Variants in EFCAB7 observed in about 807,000 individuals in gnomAD.
The protein encoded by EFCAB7 is EF-hand calcium-binding domain-containing protein 7.
A neutral mutation model predicts 77.1 loss-of-function variants in EFCAB7; 66 were observed. The observed-to-expected ratio is 0.86, with a 90% CI of 0.70 to 1.05. EFCAB7 has a LOEUF of 1.05. Among genes scored for constraint, EFCAB7 ranks in the 50% least tolerant of loss-of-function variants. EFCAB7 has a pLI of 0.00. For synonymous variants in EFCAB7, 225 were observed against 243.3 expected, an observed-to-expected ratio of 0.92 and a Z score of 0.70; for missense variants, 638 against 730.5, an observed-to-expected ratio of 0.87 and a Z score of 1.46.
chr1:63,550,305 A>T (rs1208405724), intron 7 of EFCAB7: 3 of 152,160 alleles, frequency 2.0e-5, no homozygotes, highest in African/African-American at 7.2e-5. Flanking sequence ...GCTTACACTT[A>T]TGGAGCTAAC....
downstream of EFCAB7, among the ~76,000 whole-genome samples, chr1:63,574,807 G>A (rs1324135517): frequency 6.6e-6 from 1 of 152,196 alleles, no homozygotes; most frequent in Non-Finnish European, 1.5e-5. Flanking sequence ...CATATTTACA[G>A]TCAGTATAAA....
intron 7 of EFCAB7, chr1:63,550,293 G>T (rs969614826): frequency 1.3e-5 from 2 of 152,156 alleles, no homozygotes; most frequent in Admixed American, 1.3e-4. Context: ...ATCTTTGGGA[G>T]TGCTTACACT....
At chr1:63,555,016 C>T (rs940133789) in intron 8 of EFCAB7, 9 of 157,582 alleles carry the variant, frequency 5.7e-5, no homozygotes, top group East Asian at 1.8e-4. Context: ...AATTACCCTA[C>T]GATTTATCTT....
chr1:63,550,526 A>G (rs1646951999), intron 7 of EFCAB7: 1 of 152,118 alleles, frequency 6.6e-6, no homozygotes, highest in Non-Finnish European at 1.5e-5. Context: ...ATTCTAGCTT[A>G]GTCTACACAG....
Position 63,571,100 on chromosome 1 carries a change from CAGT to C in EFCAB7, c.1790_1792del (p.Val597del). The C allele has an allele frequency of 1.2e-6, 2 of 1,609,966 alleles. No homozygotes were observed. The highest frequency in any genetic ancestry group is 8.5e-7 in the Non-Finnish European group (1 of 1,177,970). Reference sequence around the variant, plus strand: ...AACAACAGAGGACTCAACATATTTGCAGTAGAAGTGGGACCCAAATCTACAATG... The same window carrying C: ...AACAACAGAGGACTCAACATATTTGCAGAAGTGGGACCCAAATCTACAATG... On this transcript the variant is annotated inframe_deletion, in exon 13 of 14. Coordinates refer to ENST00000371088, the MANE Select transcript of EFCAB7 (RefSeq NM_032437.4).
At chr1:63,529,476 G>A (rs1646655768) in intron 2 of EFCAB7, 1 of 152,104 alleles carries the variant, frequency 6.6e-6, no homozygotes, top group African/African-American at 2.4e-5. Flanking sequence ...CACTTTGGGA[G>A]GCCGAGACGT....
intron 6 of EFCAB7, among the ~76,000 whole-genome samples, chr1:63,539,086 A>G (rs1646798389): frequency 6.6e-6 from 1 of 152,176 alleles, no homozygotes; most frequent in Non-Finnish European, 1.5e-5. Flanking sequence ...GACTTATAAT[A>G]AAAATGTTTA....
At position 63,546,210 on chromosome 1, in the gene EFCAB7, A is replaced by G. The variant is rs1646896756; in HGVS notation, c.946+153A>G. Among the ~76,000 whole-genome samples the G allele has an allele frequency of 2.0e-5, 3 of 152,240 alleles. No individual in the cohort carries two copies. In the South Asian group the frequency reaches 6.2e-4, roughly 32 times the overall value. On this transcript the variant is annotated intron_variant, in intron 7 of 13. Transcript: ENST00000371088. ...ATTTCAAGAAAGTGTTGGCTTATAC[A>G]TGAACTGTGTTAATCATATGAAAAG...
intron 11 of EFCAB7, among the ~76,000 whole-genome samples, chr1:63,564,002 T>A (rs1384872803): frequency 2.0e-5 from 3 of 152,166 alleles, no homozygotes; most frequent in Non-Finnish European, 4.4e-5. Context: ...AATTTCATGA[T>A]ATTAATTTCT....
At chr1:63,523,956 C>T (rs75606498) in intron 1 of EFCAB7, among the ~76,000 whole-genome samples, 3,447 of 152,076 alleles carry the variant, frequency 0.023, 48 homozygotes, top group Non-Finnish European at 0.037. Flanking sequence ...TTTATGGAGC[C>T]GTTTGCTGCA....
chr1:63,525,470 G>A (rs1054969270), intron 1 of EFCAB7, 102 bp from the exon 2 acceptor site: 30 of 942,890 alleles, frequency 3.2e-5, no homozygotes, highest in South Asian at 2.0e-4. Flanking sequence ...TTTCTTCTAT[G>A]TATAAAATCT....
At chr1:63,524,625 C>T (rs1230318375) in intron 1 of EFCAB7, among the ~76,000 whole-genome samples, 1 of 152,140 alleles carries the variant, frequency 6.6e-6, no homozygotes, top group East Asian at 1.9e-4. Context: ...GAAGTCAAAG[C>T]TGGGTAGAGT....
At position 63,572,566 on chromosome 1, in the gene EFCAB7, T is replaced by C; in HGVS notation, c.*50T>C. The C allele has an allele frequency of 7.6e-7, 1 of 1,316,444 alleles. No homozygotes were observed. Among genetic ancestry groups the C allele is most frequent in the Non-Finnish European group, 1.0e-6 (1 of 983,938 alleles). 81.5% of individuals were successfully genotyped at this position (1,316,444 alleles called of 1,614,324 possible). A position where few individuals can be genotyped will look rare whatever the true frequency, so the allele number is the denominator to read the frequency against. On this transcript the variant is annotated 3_prime_UTR_variant, in exon 14 of 14. Transcript: ENST00000371088. ...ACTAAGAATTATTTCAGATTTAGTC[T>C]GTTATTTATTAAACAACTAAATGCT... is the stretch of plus-strand genomic sequence containing the variant.
chr1:63,563,907 A>G (rs1294846080), intron 11 of EFCAB7, among the ~76,000 whole-genome samples: 1 of 152,146 alleles, frequency 6.6e-6, no homozygotes, highest in African/African-American at 2.4e-5. Context: ...GTAATTGAAT[A>G]GTTGCTCTTT....
rs1557679098 is a variant in EFCAB7, at chr1:63,546,450, C to T, written c.946+393C>T. Among the ~76,000 whole-genome samples the T allele has an allele frequency of 3.9e-5, 6 of 152,018 alleles. No homozygotes were observed. The South Asian group carries it at 6.2e-4, about 16-fold the overall frequency. On this transcript the variant is annotated intron_variant, in intron 7 of 13. Coordinates refer to ENST00000371088, the MANE Select transcript of EFCAB7 (RefSeq NM_032437.4). ...CTCGATCTTGGCTCACTGCAACCTC[C>T]GCCTCCTGGATTCAAGTGATTCTCC...
intron 1 of EFCAB7, among the ~76,000 whole-genome samples, chr1:63,524,764 CT>C: frequency 1.3e-5 from 2 of 152,222 alleles, no homozygotes; most frequent in Non-Finnish European, 2.9e-5. Flanking sequence ...TTACTGCTAG[CT>C]GGGTGACATT....
intron 6 of EFCAB7, among the ~76,000 whole-genome samples, chr1:63,539,277 A>AT (rs1188123424): frequency 2.0e-5 from 3 of 152,096 alleles, no homozygotes; most frequent in Non-Finnish European, 4.4e-5. Context: ...TAATTTAACC[A>AT]TTTTTTTAAA....
At chr1:63,582,474 T>G in the EFCAB7 span, among the ~76,000 whole-genome samples, 1 of 152,218 alleles carries the variant, frequency 6.6e-6, no homozygotes, top group African/African-American at 2.4e-5. Context: ...CCTTGCCCTT[T>G]TTGCAAAATA....
chr1:63,542,620 C>T (rs750845255), intron 6 of EFCAB7, among the ~76,000 whole-genome samples: 8 of 152,098 alleles, frequency 5.3e-5, no homozygotes, highest in Non-Finnish European at 7.4e-5. Context: ...CAATACTTGT[C>T]GTTTTCTGTT....
Sources: allele counts gnomAD v4.1 joint callset (sites outside exome capture counted in the v4.1 genomes callset), GRCh38; gene constraint gnomAD v4.1.1; transcripts MANE v1.5; gene names NCBI Gene and HGNC (gene_info 2026-07-23, HGNC 2026-07-21).